PPM1H: variants seen among roughly 807,000 people sequenced by gnomAD.
PPM1H encodes protein phosphatase 1H.
PPM1H carries 27 observed loss-of-function variants against 54.9 expected under a neutral mutation model. The observed-to-expected ratio is 0.49, with a 90% CI of 0.36 to 0.68. PPM1H has a LOEUF of 0.68. Ranked by LOEUF, PPM1H falls within the 30% of genes least tolerant of loss-of-function variation. The pLI, the probability that PPM1H is intolerant of heterozygous loss-of-function variation, is 0.00. For synonymous variants in PPM1H, 305 were observed against 270.8 expected, an observed-to-expected ratio of 1.13 and a Z score of -1.24; for missense variants, 596 against 667.8, an observed-to-expected ratio of 0.89 and a Z score of 1.19.
At chr12:62,728,647 C>A (rs548333737) in intron 5 of PPM1H, among the ~76,000 whole-genome samples, 8 of 152,158 alleles carry the variant, frequency 5.3e-5, no homozygotes, top group Non-Finnish European at 8.8e-5. Flanking sequence ...GGTGAGCAAC[C>A]TGCACCCAAG....
intron 7 of PPM1H, 54 bp downstream of exon 7, chr12:62,693,882 C>T (rs757585413): frequency 1.1e-4 from 161 of 1,524,802 alleles, no homozygotes; most frequent in Middle Eastern, 1.7e-4. Context: ...CTATGTGGAG[C>T]GAAGGCGGGA....
At chr12:62,798,858 T>C (rs1294654700) in intron 3 of PPM1H, among the ~76,000 whole-genome samples, 1 of 152,194 alleles carries the variant, frequency 6.6e-6, no homozygotes, top group East Asian at 1.9e-4. Context: ...TGCACATGTC[T>C]GCTCTACTCC....
intron 2 of PPM1H, among the ~76,000 whole-genome samples, chr12:62,816,586 G>GA (rs1176460426): frequency 3.9e-5 from 6 of 152,012 alleles, no homozygotes; most frequent in African/African-American, 7.2e-5. Context: ...TCCAAAATCT[G>GA]AAAAAATCTG....
intron 8 of PPM1H, among the ~76,000 whole-genome samples, chr12:62,685,324 C>T (rs764556643): frequency 6.6e-6 from 1 of 152,178 alleles, no homozygotes; most frequent in Non-Finnish European, 1.5e-5. Context: ...GACAAAGTTG[C>T]TCTCTTAGGT....
At chr12:62,653,029 T>C (rs948898923) in intron 9 of PPM1H, among the ~76,000 whole-genome samples, 2 of 152,216 alleles carry the variant, frequency 1.3e-5, no homozygotes, top group African/African-American at 4.8e-5. Context: ...TGTCTGTTAT[T>C]TTCCCTCAGC....
At chr12:62,763,829 C>T (rs916325659) in intron 4 of PPM1H, among the ~76,000 whole-genome samples, 2 of 152,134 alleles carry the variant, frequency 1.3e-5, no homozygotes, top group African/African-American at 2.4e-5. Flanking sequence ...TTCATTATTC[C>T]ATTTGCTGAG....
chr12:62,680,025 C>A (rs2076010103), intron 8 of PPM1H, among the ~76,000 whole-genome samples: 1 of 152,164 alleles, frequency 6.6e-6, no homozygotes, highest in Non-Finnish European at 1.5e-5. Flanking sequence ...TCCTTCCCTC[C>A]CTGTACAAGC....
rs557707183 is a variant in PPM1H at position 62,862,018 on chromosome 12, G to A, written c.246-29739C>T. Among the ~76,000 whole-genome samples, 4 of 152,278 alleles carry A rather than the reference G, an allele frequency of 2.6e-5. No individual in the cohort carries two copies. In the East Asian group the frequency reaches 5.8e-4, roughly 22 times the overall value. Reference sequence around the variant, plus strand: ...GCTTATGTGCAAATAATGCTTATGCGCAAATCTGGTCACCAACATTTCCTG... The same window carrying A: ...GCTTATGTGCAAATAATGCTTATGCACAAATCTGGTCACCAACATTTCCTG... On this transcript the variant is annotated intron_variant, in intron 1 of 9. Transcript: ENST00000228705.
At chr12:62,828,385 C>T (rs190537708) in intron 2 of PPM1H, among the ~76,000 whole-genome samples, 4 of 152,294 alleles carry the variant, frequency 2.6e-5, no homozygotes, top group South Asian at 2.1e-4. Context: ...AACATAGGGC[C>T]GGCTCCCACC....
intron 1 of PPM1H, 108 bp from the exon 2 acceptor site, chr12:62,832,387 G>T: frequency 9.6e-7 from 1 of 1,036,952 alleles, no homozygotes; most frequent in Non-Finnish European, 1.4e-6. Flanking sequence ...CAGAACTACA[G>T]CCCTGCTTAA....
At chr12:62,846,138 T>C (rs1868958698) in intron 1 of PPM1H, among the ~76,000 whole-genome samples, 1 of 152,148 alleles carries the variant, frequency 6.6e-6, no homozygotes, top group South Asian at 2.1e-4. Context: ...TTCTCAACCG[T>C]GAATGTGGCC....
chr12:62,842,950 T>C (rs1186880528), intron 1 of PPM1H, among the ~76,000 whole-genome samples: 1 of 152,186 alleles, frequency 6.6e-6, no homozygotes, highest in East Asian at 1.9e-4. Flanking sequence ...CAGTTTCTCA[T>C]AAGATGGGGA....
intron 3 of PPM1H, among the ~76,000 whole-genome samples, chr12:62,798,735 C>T (rs2076750082): frequency 6.6e-6 from 1 of 152,182 alleles, no homozygotes; most frequent in Admixed American, 6.5e-5. Flanking sequence ...GATCTATCTT[C>T]CCACCACAGC....
intron 2 of PPM1H, among the ~76,000 whole-genome samples, chr12:62,824,933 G>A (rs536025023): frequency 7.2e-5 from 11 of 152,012 alleles, no homozygotes; most frequent in Non-Finnish European, 1.2e-4. Context: ...CTTTTGCACA[G>A]CAAAAGAAAC....
rs142344292 is a variant in PPM1H, at chr12:62,647,744, G to A, written c.*745C>T. ...CAACAAAGACCCTCTGTCATGCAGGGCACTGGCCCGGATGCTGCCTGGGCT... is the reference window on the plus strand; with the variant it reads ...CAACAAAGACCCTCTGTCATGCAGGACACTGGCCCGGATGCTGCCTGGGCT... On this transcript the variant is annotated 3_prime_UTR_variant, in exon 10 of 10. Coordinates refer to ENST00000228705, the MANE Select transcript of PPM1H (RefSeq NM_020700.2). The A allele has an allele frequency of 8.3e-3, 1,266 of 152,458 alleles. 18 individuals are homozygous for A. The highest frequency in any genetic ancestry group is 0.028 in the African/African-American group (1,160 of 41,542). 9.4% of individuals were successfully genotyped at this position (152,458 alleles called of 1,614,324 possible).
intron 1 of PPM1H, among the ~76,000 whole-genome samples, chr12:62,875,301 C>A (rs989827321): frequency 1.3e-5 from 2 of 152,116 alleles, no homozygotes; most frequent in Admixed American, 6.5e-5. Flanking sequence ...CAATTCCCCC[C>A]AAAAATCCTA....
chr12:62,925,276 GAAAT>G (rs1871938668), intron 1 of PPM1H, among the ~76,000 whole-genome samples: 1 of 152,084 alleles, frequency 6.6e-6, no homozygotes. Context: ...ATGAGCAAAA[GAAAT>G]AAAATAACAG....
chr12:62,934,556 T>C lies in PPM1H; in HGVS notation c.181A>G (p.Ile61Val). The change falls in exon 1 of 10, where the codon ATC becomes GTC. Residue 61 changes from isoleucine to valine, a missense_variant. This residue lies in a region of PPM1H where 382 missense variants were observed against 387.1 expected (regional missense o/e 0.99). Transcript: ENST00000228705. This position sits in a 1 kb window ranked among gnomAD's most constrained non-coding sequence, Gnocchi z 4.2. ...TTGAGGATGAGGATGGGGCGGGCGA[T>C]GTGGTCGGCGCTGCACTCCACCTCG... ...QDEVECSADH[I>V]ARPILILKET... 6.4e-7 allele frequency: 1 copy of C among 1,553,098 alleles called. No individual in the cohort carries two copies. The highest frequency in any genetic ancestry group is 8.7e-7 in the Non-Finnish European group (1 of 1,149,178).
intron 5 of PPM1H, among the ~76,000 whole-genome samples, chr12:62,737,291 C>A (rs1020427252): frequency 1.3e-4 from 19 of 150,940 alleles, no homozygotes; most frequent in African/African-American, 4.1e-4. Context: ...GGGAGAAAAT[C>A]AGCCGCAATA....
Sources: gnomAD v4.1 joint callset for allele counts (sites outside exome capture counted in the v4.1 genomes callset) on GRCh38, gnomAD v4.1.1 for gene constraint, gnomAD v4.1.1 regional missense constraint, Gnocchi (gnomAD v3.1) non-coding constraint, MANE v1.5 for transcripts, NCBI Gene and HGNC (gene_info 2026-07-23, HGNC 2026-07-21) for gene names.